Variants in SLC24A2 observed in about 807,000 individuals in gnomAD.
The protein encoded by SLC24A2 is solute carrier family 24 member 2.
Under a neutral mutation model 62.0 loss-of-function variants are expected in SLC24A2, and 36 were observed. The observed-to-expected ratio is 0.58, with a 90% CI of 0.44 to 0.77. SLC24A2 has a LOEUF of 0.77. Among genes scored for constraint, SLC24A2 ranks in the 30% least tolerant of loss-of-function variants. The pLI is 0.00. For synonymous variants in SLC24A2, 358 were observed against 294.0 expected (o/e 1.22, Z -2.23); for missense variants, 846 against 817.9 (o/e 1.03, Z -0.42).
chr9:20,005,247 T>C, the SLC24A2 span, among the ~76,000 whole-genome samples: 3 of 152,182 alleles, frequency 2.0e-5, no homozygotes, highest in East Asian at 1.9e-4. Flanking sequence ...CCTTTTTCAT[T>C]TGAACAAATT....
chr9:19,881,715 G>A, the SLC24A2 span, among the ~76,000 whole-genome samples: 1 of 152,058 alleles, frequency 6.6e-6, no homozygotes, highest in Non-Finnish European at 1.5e-5. Flanking sequence ...TTTATTTTTT[G>A]CTGTAGACAG....
chr9:19,867,686 G>C, the SLC24A2 span, among the ~76,000 whole-genome samples: 1 of 152,150 alleles, frequency 6.6e-6, no homozygotes, highest in African/African-American at 2.4e-5. Context: ...AAGGCAGGCA[G>C]ATAACGAGGT....
chr9:19,597,243 G>A lies in SLC24A2; in HGVS notation c.1115C>T (p.Thr372Ile). 1 of 1,586,094 alleles carries A rather than the reference G, an allele frequency of 6.3e-7. No individual in the cohort carries two copies. Among genetic ancestry groups the A allele is most frequent in the Non-Finnish European group, 8.7e-7 (1 of 1,154,628 alleles). ...GSYGKLKYYD[T>I]MTEEGRFREK... is the part of the protein sequence containing the mutation. ...ATCATTCTTACCTTCTTCAGTCATT[G>A]TGTCATAATATTTTAGTTTTCCATA... is the stretch of plus-strand genomic sequence containing the variant. Residue 372 changes from threonine (T) to isoleucine (I), a missense_variant, in exon 5 of 11, where the codon ACA becomes ATA. Coordinates refer to ENST00000341998, the MANE Select transcript of SLC24A2 (RefSeq NM_020344.4).
chr9:20,108,824 T>C, the SLC24A2 span, among the ~76,000 whole-genome samples: 3 of 152,070 alleles, frequency 2.0e-5, no homozygotes, highest in Non-Finnish European at 4.4e-5. Context: ...ATTGTGCACA[T>C]GTTCCCTAAA....
At chr9:19,610,909 G>A (rs1837140698) in intron 4 of SLC24A2, among the ~76,000 whole-genome samples, 1 of 152,224 alleles carries the variant, frequency 6.6e-6, no homozygotes, top group Admixed American at 6.5e-5. Context: ...CCAGACACTA[G>A]GGATAGAGCC....
chr9:20,077,598 C>CT, the SLC24A2 span, among the ~76,000 whole-genome samples: 37 of 146,560 alleles, frequency 2.5e-4, no homozygotes, highest in Admixed American at 4.0e-4. Flanking sequence ...TTCTGGGGAG[C>CT]TATTAGATGG....
the SLC24A2 span, among the ~76,000 whole-genome samples, chr9:20,147,375 T>C: frequency 1.3e-5 from 2 of 152,152 alleles, no homozygotes. Context: ...TGGTAATGTG[T>C]GAATATTGTA....
chr9:20,085,415 G>A, the SLC24A2 span, among the ~76,000 whole-genome samples: 1 of 152,168 alleles, frequency 6.6e-6, no homozygotes, highest in East Asian at 1.9e-4. Flanking sequence ...AGGTTTTGAT[G>A]GGGGATGTAA....
chr9:19,927,640 G>A, the SLC24A2 span: 1 of 152,006 alleles, frequency 6.6e-6, no homozygotes, highest in Non-Finnish European at 1.5e-5. Context: ...CACCCCCCAC[G>A]TACTTGGGAT....
At chr9:20,242,590 A>G in the SLC24A2 span, among the ~76,000 whole-genome samples, 22 of 152,178 alleles carry the variant, frequency 1.4e-4, no homozygotes, top group African/African-American at 5.1e-4. Context: ...CCATGAGGAC[A>G]CTCCTGAAAA....
chr9:20,129,962 C>CAG, the SLC24A2 span, among the ~76,000 whole-genome samples: 2 of 149,048 alleles, frequency 1.3e-5, no homozygotes, highest in African/African-American at 4.9e-5. Context: ...CACACACACA[C>CAG]ACAGAGGTTA....
At chr9:19,616,984 A>G (rs1480115720) in intron 4 of SLC24A2, among the ~76,000 whole-genome samples, 1 of 152,222 alleles carries the variant, frequency 6.6e-6, no homozygotes, top group Non-Finnish European at 1.5e-5. Context: ...GTCTGAAGAC[A>G]GAAAGGTCTG....
At chr9:20,278,996 CCTT>C in the SLC24A2 span, among the ~76,000 whole-genome samples, 2 of 152,114 alleles carry the variant, frequency 1.3e-5, no homozygotes, top group Non-Finnish European at 2.9e-5. Flanking sequence ...GCAAACATGT[CCTT>C]CTTCATATGG....
At chr9:19,721,858 C>A (rs1821035372) in intron 2 of SLC24A2, among the ~76,000 whole-genome samples, 1 of 152,068 alleles carries the variant, frequency 6.6e-6, no homozygotes, top group South Asian at 2.1e-4. Flanking sequence ...AAAACGTTGT[C>A]ATTATTCTTC....
intron 5 of SLC24A2, among the ~76,000 whole-genome samples, chr9:19,579,271 G>T (rs1390886704): frequency 2.6e-5 from 4 of 152,134 alleles, no homozygotes; most frequent in Non-Finnish European, 5.9e-5. Flanking sequence ...GGCAGGCAGG[G>T]TCTATGATTG....
At chr9:20,202,766 C>G in the SLC24A2 span, among the ~76,000 whole-genome samples, 1 of 152,092 alleles carries the variant, frequency 6.6e-6, no homozygotes, top group South Asian at 2.1e-4. Context: ...TAGAAGTTTA[C>G]AAAATGTAAT....
the SLC24A2 span, among the ~76,000 whole-genome samples, chr9:20,301,539 G>C: frequency 6.6e-6 from 1 of 150,864 alleles, no homozygotes; most frequent in East Asian, 2.0e-4. Context: ...GAAATGCTCA[G>C]GGTATCATAG....
At chr9:19,849,849 T>A in the SLC24A2 span, among the ~76,000 whole-genome samples, 4 of 152,146 alleles carry the variant, frequency 2.6e-5, no homozygotes, top group Non-Finnish European at 5.9e-5. Context: ...ATATTTAAAG[T>A]GAATGTCTCT....
rs545561541 is a variant in SLC24A2, at chr9:19,509,649, C to T, written c.*6504G>A. On this transcript the variant is annotated 3_prime_UTR_variant, in exon 11 of 11. Transcript: ENST00000341998. Reference sequence around the variant, plus strand: ...AATTAAATGGCAAGAAGTTATCTACCCTTAATTTATGCATGTAATTTCATC... The same window carrying T: ...AATTAAATGGCAAGAAGTTATCTACTCTTAATTTATGCATGTAATTTCATC... 1 of 152,000 alleles carries T rather than the reference C, an allele frequency of 6.6e-6. No individual in the cohort carries two copies. Among genetic ancestry groups the T allele is most frequent in the African/African-American group, 2.4e-5 (1 of 41,370 alleles). The allele number at this position is 152,000 out of a possible 1,614,324, so 9.4% of individuals were successfully genotyped here.
Sources: gnomAD v4.1 joint callset for allele counts (sites outside exome capture counted in the v4.1 genomes callset) on GRCh38, gnomAD v4.1.1 for gene constraint, MANE v1.5 for transcripts, NCBI Gene and HGNC (gene_info 2026-07-23, HGNC 2026-07-21) for gene names.